RBFOX1: variants seen among roughly 807,000 people sequenced by gnomAD.
RBFOX1 encodes RNA binding protein fox-1 homolog 1.
RBFOX1 carries 8 observed loss-of-function variants against 57.7 expected under a neutral mutation model. The observed-to-expected ratio is 0.14, with a 90% CI of 0.08 to 0.25. The LOEUF is 0.25. RBFOX1 is among the 10% of genes least tolerant of loss of function. The pLI, the probability that RBFOX1 is intolerant of heterozygous loss-of-function variation, is 1.00. For synonymous variants in RBFOX1, 326 were observed against 222.4 expected, an observed-to-expected ratio of 1.47 and a Z score of -4.15; for missense variants, 611 against 548.5, an observed-to-expected ratio of 1.11 and a Z score of -1.14.
At chr16:6,426,933 C>G (rs1276967104) in intron 2 of RBFOX1, among the ~76,000 whole-genome samples, 1 of 152,090 alleles carries the variant, frequency 6.6e-6, no homozygotes, top group Non-Finnish European at 1.5e-5. Flanking sequence ...TGTCCTGAAA[C>G]CAACTCTCCA....
intron 3 of RBFOX1, among the ~76,000 whole-genome samples, chr16:5,716,980 G>T (rs1158434009): frequency 1.3e-5 from 2 of 152,122 alleles, no homozygotes; most frequent in African/African-American, 2.4e-5. Flanking sequence ...TGAGTTCAAG[G>T]TTTCCTCCTG....
At chr16:6,845,168 G>A (rs752589951) in intron 3 of RBFOX1, among the ~76,000 whole-genome samples, 9 of 152,076 alleles carry the variant, frequency 5.9e-5, no homozygotes, top group Non-Finnish European at 1.0e-4. Flanking sequence ...CTGCACAGAA[G>A]CTCTTTAGTT....
intron 3 of RBFOX1, among the ~76,000 whole-genome samples, chr16:6,810,897 A>G (rs889460324): frequency 6.6e-6 from 1 of 152,150 alleles, no homozygotes; most frequent in African/African-American, 2.4e-5. Context: ...TCAAGAGCTG[A>G]TTTGGGTGGA....
intron 4 of RBFOX1, among the ~76,000 whole-genome samples, chr16:7,085,654 G>C (rs146748066): frequency 1.2e-4 from 19 of 152,226 alleles, no homozygotes; most frequent in East Asian, 5.8e-4. Flanking sequence ...TATCAGAAAG[G>C]GCACATTTTG....
At chr16:5,872,084 TG>T (rs971658279) in intron 4 of RBFOX1, among the ~76,000 whole-genome samples, 5 of 152,134 alleles carry the variant, frequency 3.3e-5, no homozygotes, top group Non-Finnish European at 5.9e-5. Flanking sequence ...GAAAATAAAT[TG>T]GGGGTTGCAG....
At chr16:7,650,998 C>T (rs1001470932) in intron 11 of RBFOX1, among the ~76,000 whole-genome samples, 1 of 152,130 alleles carries the variant, frequency 6.6e-6, no homozygotes, top group African/African-American at 2.4e-5. Context: ...CCACGTGATC[C>T]AAGAAACTCA....
At chr16:6,297,467 C>T (rs1436473159) in intron 1 of RBFOX1, among the ~76,000 whole-genome samples, 1 of 152,062 alleles carries the variant, frequency 6.6e-6, no homozygotes, top group Non-Finnish European at 1.5e-5. Context: ...ATTACTGTGA[C>T]CTTGGGCATT....
chr16:7,230,546 G>C (rs928731457), intron 4 of RBFOX1, among the ~76,000 whole-genome samples: 4 of 152,112 alleles, frequency 2.6e-5, no homozygotes, highest in African/African-American at 9.7e-5. Context: ...AGCCTCCCCA[G>C]TCAATGAAGG....
chr16:5,683,917 T>G (rs566795604), intron 3 of RBFOX1, among the ~76,000 whole-genome samples: 1 of 152,058 alleles, frequency 6.6e-6, no homozygotes, highest in South Asian at 2.1e-4. Flanking sequence ...CAGCCCAATA[T>G]GAGCTTGAGT....
At chr16:7,176,438 G>A (rs11649011) in intron 4 of RBFOX1, among the ~76,000 whole-genome samples, 38,794 of 151,768 alleles carry the variant, frequency 0.26, 5,477 homozygotes, top group East Asian at 0.55. Flanking sequence ...AGATATGTAC[G>A]AGGTATCTAT....
intron 1 of RBFOX1, among the ~76,000 whole-genome samples, chr16:6,239,554 A>G (rs2097529102): frequency 1.7e-5 from 2 of 120,284 alleles, no homozygotes. Flanking sequence ...GCTGGAGTGC[A>G]GTGGCACAAC....
chr16:6,960,801 C>G (rs1307222026), intron 3 of RBFOX1, among the ~76,000 whole-genome samples: 1 of 151,664 alleles, frequency 6.6e-6, no homozygotes. Context: ...AGGGATTGGC[C>G]CAGGGTTGGG....
At chr16:5,966,522 T>C (rs902181984) in intron 4 of RBFOX1, among the ~76,000 whole-genome samples, 3 of 152,148 alleles carry the variant, frequency 2.0e-5, no homozygotes, top group African/African-American at 7.2e-5. Flanking sequence ...CAATGGCGCG[T>C]TCTCGGCTCA....
At chr16:6,758,438 C>G (rs1158037213) in intron 3 of RBFOX1, among the ~76,000 whole-genome samples, 1 of 152,092 alleles carries the variant, frequency 6.6e-6, no homozygotes, top group East Asian at 1.9e-4. Flanking sequence ...TGACAAATTA[C>G]AATTGAACCC....
intron 3 of RBFOX1, among the ~76,000 whole-genome samples, chr16:6,775,329 CA>C (rs371277644): frequency 0.023 from 1,577 of 67,308 alleles, 13 homozygotes; most frequent in Middle Eastern, 0.079. Flanking sequence ...GACTCTGTCT[CA>C]AAAAAAAAAA....
At chr16:7,614,795 A>T (rs533595937) in intron 10 of RBFOX1, 4 of 152,342 alleles carry the variant, frequency 2.6e-5, no homozygotes, top group South Asian at 2.1e-4. Context: ...TTTCTCCTCA[A>T]ATCCTTATGA....
At chr16:5,911,163 C>G (rs191736665) in intron 4 of RBFOX1, among the ~76,000 whole-genome samples, 33 of 152,300 alleles carry the variant, frequency 2.2e-4, no homozygotes, top group African/African-American at 7.9e-4. Flanking sequence ...AGACATAGGT[C>G]CTACCTGCAG....
intron 1 of RBFOX1, among the ~76,000 whole-genome samples, chr16:5,380,607 G>A (rs139837458): frequency 7.2e-5 from 11 of 152,308 alleles, no homozygotes; most frequent in African/African-American, 2.6e-4. Context: ...ACTGTGTGCA[G>A]GCTCAGAGCT....
intron 4 of RBFOX1, among the ~76,000 whole-genome samples, chr16:5,940,707 A>C (rs976898568): frequency 6.6e-6 from 1 of 152,206 alleles, no homozygotes; most frequent in Non-Finnish European, 1.5e-5. Flanking sequence ...CTAGGCCAGG[A>C]ATTAGAGGGG....
Sources: gnomAD v4.1 joint callset for allele counts (sites outside exome capture counted in the v4.1 genomes callset) on GRCh38, gnomAD v4.1.1 for gene constraint, MANE v1.5 for transcripts, NCBI Gene and HGNC (gene_info 2026-07-23, HGNC 2026-07-21) for gene names.